Variants in EGFR observed in about 807,000 individuals in gnomAD.
The protein encoded by EGFR is epidermal growth factor receptor, also known as avian erythroblastic leukemia viral (v-erb-b) oncogene homolog.
In EGFR, 58 loss-of-function variants were observed where a neutral mutation model predicts 143.0. The observed-to-expected ratio is 0.41, with a 90% CI of 0.33 to 0.50. The LOEUF (loss-of-function observed/expected upper bound fraction) is 0.50, where lower values mean the gene tolerates loss of function less well. Ranked by LOEUF, EGFR falls within the 20% of genes least tolerant of loss-of-function variation. The probability of loss-of-function intolerance (pLI) is 0.39; values close to 1 mark genes in which losing one functional copy is unlikely to be tolerated. For missense variants in EGFR, 1,307 were observed against 1,579.0 expected (o/e 0.83, Z 2.92); for synonymous variants, 613 against 594.4 (o/e 1.03, Z -0.45).
At chr7:55,089,206 T>C (rs965318329) in intron 1 of EGFR, among the ~76,000 whole-genome samples, 1 of 152,186 alleles carries the variant, frequency 6.6e-6, no homozygotes, top group Non-Finnish European at 1.5e-5. Flanking sequence ...CTGAAGTACG[T>C]GTAAGTCAGC....
chr7:55,201,086 A>G (rs1489300983), intron 24 of EGFR, 102 bp from the exon 25 acceptor site: 14 of 1,489,538 alleles, frequency 9.4e-6, no homozygotes, highest in Middle Eastern at 2.0e-4. Context: ...AAAATTGGCA[A>G]ACACACAGGC....
At chr7:55,120,525 TTCCTTTTAAATCA>T (rs1228185524) in intron 1 of EGFR, among the ~76,000 whole-genome samples, 2 of 152,224 alleles carry the variant, frequency 1.3e-5, no homozygotes, top group Non-Finnish European at 2.9e-5. Context: ...ATCCCCCATT[TTCCTTTTAAATCA>T]GCCAATGGGT....
intron 20 of EGFR, among the ~76,000 whole-genome samples, chr7:55,188,582 G>A (rs1349375298): frequency 6.6e-6 from 1 of 152,190 alleles, no homozygotes; most frequent in African/African-American, 2.4e-5. Flanking sequence ...GGGTCTCGGA[G>A]AAGAAGCAGG....
chr7:55,108,245 T>C (rs1792253839), intron 1 of EGFR, among the ~76,000 whole-genome samples: 1 of 152,260 alleles, frequency 6.6e-6, no homozygotes, highest in Non-Finnish European at 1.5e-5. Flanking sequence ...AAAAATAGAA[T>C]CATGCTTATG....
At chr7:55,080,325 C>T (rs1470966308) in intron 1 of EGFR, among the ~76,000 whole-genome samples, 1 of 150,326 alleles carries the variant, frequency 6.7e-6, no homozygotes, top group Non-Finnish European at 1.5e-5. Flanking sequence ...AACTGCCAGT[C>T]ACTGCTTGTG....
chr7:55,104,485 C>T (rs529724865), intron 1 of EGFR, among the ~76,000 whole-genome samples: 15 of 152,316 alleles, frequency 9.8e-5, no homozygotes, highest in African/African-American at 3.4e-4. Flanking sequence ...TTTCGTGAGC[C>T]TCATTTGTCT....
At position 55,202,592 on chromosome 7, in the gene EGFR, G is replaced by A. The variant is rs1023185448; in HGVS notation, c.3238G>A (p.Asp1080Asn). 7.4e-6 allele frequency: 12 copies of A among 1,613,356 alleles called. No homozygotes were observed. Among genetic ancestry groups the A allele is most frequent in the African/African-American group, 1.3e-5 (1 of 74,886 alleles). The change falls in exon 27 of 28, where the codon GAC becomes AAC. Residue 1080 changes from aspartate (D) to asparagine (N), a missense_variant. By Grantham distance (23) the Asp-to-Asn change is conservative. Coordinates refer to ENST00000275493, the MANE Select transcript of EGFR (RefSeq NM_005228.5). ...SSDPTGALTEDSIDDTFLPVP... is the reference protein window; with the variant it reads ...SSDPTGALTENSIDDTFLPVP... ...AGACCCCACAGGCGCCTTGACTGAG[G>A]ACAGCATAGACGACACCTTCCTCCC...
At chr7:55,191,971 T>C (rs1372480679) in intron 21 of EGFR, 97 bp downstream of exon 21, 2 of 1,563,490 alleles carry the variant, frequency 1.3e-6, no homozygotes, top group African/African-American at 2.7e-5. Flanking sequence ...CAGGGGAGGA[T>C]GCTCTCCAGA....
chr7:55,181,203 ATTCATGCGTC>A, intron 19 of EGFR, 80 bp from the exon 20 acceptor site: 1 of 1,467,570 alleles, frequency 6.8e-7, no homozygotes, highest in Non-Finnish European at 9.5e-7. Flanking sequence ...TCAAGATCGC[ATTCATGCGTC>A]TTCACCTGGA....
chr7:55,171,209 A>C lies in EGFR; in HGVS notation c.1915A>C (p.Asn639His). 5.0e-6 allele frequency: 8 copies of C among 1,614,212 alleles called. No individual in the cohort carries two copies. The highest frequency in any genetic ancestry group is 6.8e-6 in the Non-Finnish European group (8 of 1,180,036). ...GCCAGGTCTTGAAGGCTGTCCAACG[A>C]ATGGGTAAGTGTTCACAGCTCTGTG... The part of the protein sequence containing the change: ...TGPGLEGCPT[N>H]GPKIPSIATG... Residue 639 changes from asparagine (N) to histidine (H), a missense_variant, in exon 16 of 28, where the codon AAT (asparagine) becomes CAT (histidine). By Grantham distance (68) the Asn-to-His change is moderately conservative. Around this residue, in one of 7 missense-constraint regions of EGFR, gnomAD observed 348 missense variants for 451.5 expected, o/e 0.77. Transcript: ENST00000275493.
intron 1 of EGFR, among the ~76,000 whole-genome samples, chr7:55,085,617 G>A (rs2128892071): frequency 6.6e-6 from 1 of 152,340 alleles, no homozygotes. Context: ...TCCTGCTGAA[G>A]TAACTGCACA....
At chr7:55,094,221 A>G (rs560564314) in intron 1 of EGFR, among the ~76,000 whole-genome samples, 2 of 152,332 alleles carry the variant, frequency 1.3e-5, no homozygotes, top group Admixed American at 6.5e-5. Context: ...AGAAAAATGA[A>G]TTGGCTTCAC....
intron 1 of EGFR, among the ~76,000 whole-genome samples, chr7:55,121,295 G>A (rs1236060971): frequency 1.3e-5 from 2 of 152,308 alleles, no homozygotes; most frequent in South Asian, 4.1e-4. Flanking sequence ...AGGAAAAGGC[G>A]GCTCTCTTCT....
At chr7:55,027,836 T>C (rs1786982102) in intron 1 of EGFR, among the ~76,000 whole-genome samples, 1 of 152,008 alleles carries the variant, frequency 6.6e-6, no homozygotes, top group Admixed American at 6.6e-5. Context: ...GAGACATCTA[T>C]GTTCTGATCC....
intron 1 of EGFR, among the ~76,000 whole-genome samples, chr7:55,053,164 G>C (rs1788589292): frequency 6.6e-6 from 1 of 152,152 alleles, no homozygotes; most frequent in African/African-American, 2.4e-5. Context: ...CATTCTTCGG[G>C]ACAGACTCTT....
At chr7:55,191,994 G>A (rs2128964987) in intron 21 of EGFR, 120 bp downstream of exon 21, 1 of 1,450,658 alleles carries the variant, frequency 6.9e-7, no homozygotes, top group African/African-American at 1.4e-5. Flanking sequence ...TTCTGGGTGA[G>A]CTCGCAGCAG....
At chr7:55,153,444 A>T (rs1015594281) in intron 6 of EGFR, among the ~76,000 whole-genome samples, 21 of 152,204 alleles carry the variant, frequency 1.4e-4, no homozygotes, top group Admixed American at 1.4e-3. Flanking sequence ...GAAGATTCCT[A>T]AATTCCAGAG....
intron 1 of EGFR, among the ~76,000 whole-genome samples, chr7:55,025,764 G>T (rs1786845414): frequency 6.6e-6 from 1 of 152,206 alleles, no homozygotes; most frequent in South Asian, 2.1e-4. Flanking sequence ...AGGGGTTCTG[G>T]ATACCAGCTT....
intron 1 of EGFR, among the ~76,000 whole-genome samples, chr7:55,027,535 T>G (rs1383743817): frequency 3.3e-5 from 5 of 152,232 alleles, no homozygotes; most frequent in Non-Finnish European, 5.9e-5. Flanking sequence ...ATTTAAAAAT[T>G]AAAATGATCC....
Sources: allele counts gnomAD v4.1 joint callset (sites outside exome capture counted in the v4.1 genomes callset), GRCh38; gene constraint gnomAD v4.1.1; regional missense constraint gnomAD v4.1.1; transcripts MANE v1.5; gene names NCBI Gene and HGNC (gene_info 2026-07-23, HGNC 2026-07-21).